The following SEC63 variants were observed in gnomAD, a reference collection of about 807,000 sequenced individuals.
The protein encoded by SEC63 is translocation protein SEC63 homolog.
Under a neutral mutation model 116.2 loss-of-function variants are expected in SEC63, and 56 were observed. That is an observed-to-expected ratio of 0.48 (90% CI 0.39 to 0.60). SEC63 has a LOEUF of 0.60. SEC63 is among the 20% of genes least tolerant of loss of function. The pLI is 0.00. For missense variants in SEC63, 668 were observed against 900.0 expected, an observed-to-expected ratio of 0.74 and a Z score of 3.30; for synonymous variants, 273 against 294.6, an observed-to-expected ratio of 0.93 and a Z score of 0.75.
chr6:107,907,077 T>C (rs955568206), intron 8 of SEC63, among the ~76,000 whole-genome samples: 2 of 152,054 alleles, frequency 1.3e-5, no homozygotes, highest in Admixed American at 1.3e-4. Context: ...CTATAGAACA[T>C]CAGTATTCTG....
chr6:107,916,083 A>G lies in SEC63; in HGVS notation c.453-2656T>C, dbSNP rs185160429. 1.8e-3 allele frequency among the ~76,000 whole-genome samples: 272 copies of G among 152,056 alleles called. 2 individuals carry two copies. Among genetic ancestry groups the G allele is most frequent in the African/African-American group, 6.4e-3 (265 of 41,514 alleles). ...CAGAAATCTGAGAACAAAATTATAA[A>G]CTTGAAAATGTTAAAATACCTAAAG... On this transcript the variant is annotated intron_variant, in intron 4 of 20. Transcript: ENST00000369002.
At chr6:107,872,145 A>C (rs1786149455) in intron 20 of SEC63, among the ~76,000 whole-genome samples, 1 of 152,218 alleles carries the variant, frequency 6.6e-6, no homozygotes, top group South Asian at 2.1e-4. Context: ...ATTCTTGAGC[A>C]AGAACACTGA....
rs1269720714 is a variant in SEC63, at chr6:107,938,628, T to C, written c.125-9114A>G. On this transcript the variant is annotated intron_variant, in intron 1 of 20. Coordinates refer to ENST00000369002, the MANE Select transcript of SEC63 (RefSeq NM_007214.5). ...CCCAGGCTGGAGTGCAATGGCGTGA[T>C]CTCAGCTCACTGCAACCTCCAACTC... is the stretch of plus-strand genomic sequence containing the variant. Among the ~76,000 whole-genome samples, 3 of 151,498 alleles carry C rather than the reference T, an allele frequency of 2.0e-5. No homozygotes were observed. In the East Asian group the frequency reaches 5.8e-4, roughly 29 times the overall value.
At chr6:107,918,091 A>G (rs970054469) in intron 4 of SEC63, among the ~76,000 whole-genome samples, 5 of 152,204 alleles carry the variant, frequency 3.3e-5, no homozygotes, top group Admixed American at 3.3e-4. Flanking sequence ...CTTGAAGCCA[A>G]TGCTGGTGTG....
At chr6:107,913,502 A>C in intron 4 of SEC63, 75 bp from the exon 5 acceptor site, 28 of 977,844 alleles carry the variant, frequency 2.9e-5, no homozygotes, top group Non-Finnish European at 4.5e-5. Flanking sequence ...GACAAACTCC[A>C]TTAGCCAACC....
intron 4 of SEC63, among the ~76,000 whole-genome samples, chr6:107,918,578 G>C (rs973221852): frequency 2.6e-5 from 4 of 151,738 alleles, no homozygotes; most frequent in African/African-American, 9.7e-5. Flanking sequence ...TGTAGTCCGA[G>C]CTACTCGGGA....
chr6:107,872,756 A>G, intron 20 of SEC63, 52 bp downstream of exon 20: 1 of 1,074,740 alleles, frequency 9.3e-7, no homozygotes, highest in South Asian at 1.3e-5. Flanking sequence ...TTCCTAGTAT[A>G]TTAAACATTT....
chr6:107,931,728 C>G (rs1787814757), intron 1 of SEC63: 1 of 147,716 alleles, frequency 6.8e-6, no homozygotes, highest in African/African-American at 2.5e-5. Context: ...GCCTGGGTGA[C>G]AGAGCAAGAC....
intron 1 of SEC63, chr6:107,957,200 A>T (rs577390382): frequency 6.6e-6 from 1 of 152,356 alleles, no homozygotes; most frequent in Non-Finnish European, 1.5e-5. Flanking sequence ...AGATTAATTA[A>T]ACGAGACTTA....
At chr6:107,930,873 T>C (rs1344283851) in intron 1 of SEC63, among the ~76,000 whole-genome samples, 1 of 151,830 alleles carries the variant, frequency 6.6e-6, no homozygotes, top group Non-Finnish European at 1.5e-5. Context: ...TGCACACCTG[T>C]AGTCCCAGCT....
intron 16 of SEC63, among the ~76,000 whole-genome samples, chr6:107,883,877 T>A (rs1175458009): frequency 6.6e-6 from 1 of 151,060 alleles, no homozygotes; most frequent in Non-Finnish European, 1.5e-5. Context: ...TAACAAGGTA[T>A]GATGCAGTAA....
chr6:107,898,145 T>A (rs2114435104), intron 13 of SEC63, among the ~76,000 whole-genome samples: 1 of 151,974 alleles, frequency 6.6e-6, no homozygotes, highest in East Asian at 1.9e-4. Context: ...CCGCCTGTAG[T>A]CTCAGCTAGT....
intron 8 of SEC63, among the ~76,000 whole-genome samples, 164 bp from the exon 9 acceptor site, chr6:107,906,941 AG>A (rs1205502390): frequency 6.6e-6 from 1 of 152,252 alleles, no homozygotes; most frequent in East Asian, 1.9e-4. Flanking sequence ...CCATAAAAAA[AG>A]TAACATCTCG....
At chr6:107,900,241 C>G (rs1462245728) in intron 13 of SEC63, among the ~76,000 whole-genome samples, 1 of 151,812 alleles carries the variant, frequency 6.6e-6, no homozygotes, top group Non-Finnish European at 1.5e-5. Context: ...TTCAAGTGAT[C>G]CCCCTGCCTT....
In SEC63 at chr6:107,867,994, G is replaced by A. The variant is rs991223438; in HGVS notation, c.*3710C>T. 2 of 152,068 alleles carry A rather than the reference G, an allele frequency of 1.3e-5. No homozygotes were observed. The highest frequency in any genetic ancestry group is 4.8e-5 in the African/African-American group (2 of 41,408). 9.4% of individuals were successfully genotyped at this position (152,068 alleles called of 1,614,324 possible). On this transcript the variant is annotated 3_prime_UTR_variant, in exon 21 of 21. Transcript: ENST00000369002. ...ATTGTTATTTGGGTTTTCAGCTCAG[G>A]TTACAGAAATATGTACAAGATCGCA...
At chr6:107,927,475 AT>A (rs1252747989) in intron 2 of SEC63, among the ~76,000 whole-genome samples, 1 of 152,248 alleles carries the variant, frequency 6.6e-6, no homozygotes, top group Non-Finnish European at 1.5e-5. Context: ...ATGCTTCAAG[AT>A]TAAGTAGTAA....
At chr6:107,934,551 C>G (rs1159253533) in intron 1 of SEC63, among the ~76,000 whole-genome samples, 1 of 133,580 alleles carries the variant, frequency 7.5e-6, no homozygotes, top group Admixed American at 7.3e-5. Flanking sequence ...GGAGCCCCTA[C>G]GCCTGGCAGC....
At position 107,951,731 on chromosome 6, in the gene SEC63, C is replaced by T. The variant is rs946052299; in HGVS notation, c.124+6155G>A. Among the ~76,000 whole-genome samples, 36 of 151,696 alleles carry T rather than the reference C, an allele frequency of 2.4e-4. 1 individual carries two copies. Among genetic ancestry groups the T allele is most frequent in the Admixed American group, 2.4e-3 (36 of 15,238 alleles). On this transcript the variant is annotated intron_variant, in intron 1 of 20. Coordinates refer to ENST00000369002, the MANE Select transcript of SEC63 (RefSeq NM_007214.5). ...GGGCGCGGTGGCTCAAGCCTGTAAT[C>T]CCAGCACTTTGGGAGGCTGAGGCAG... is the stretch of plus-strand genomic sequence containing the variant.
At chr6:107,910,764 T>C (rs1787265364) in intron 7 of SEC63, among the ~76,000 whole-genome samples, 1 of 152,156 alleles carries the variant, frequency 6.6e-6, no homozygotes, top group Non-Finnish European at 1.5e-5. Context: ...GTTGTAACTT[T>C]TGTGATTTTT....
Sources: allele counts gnomAD v4.1 joint callset (sites outside exome capture counted in the v4.1 genomes callset), GRCh38; gene constraint gnomAD v4.1.1; transcripts MANE v1.5; gene names NCBI Gene and HGNC (gene_info 2026-07-23, HGNC 2026-07-21).